Variants in GPC5 observed in about 807,000 individuals in gnomAD.
The protein encoded by GPC5 is glypican-5.
In GPC5, 47 loss-of-function variants were observed where a neutral mutation model predicts 53.9. The observed-to-expected ratio is 0.87, with a 90% CI of 0.69 to 1.11. The LOEUF (loss-of-function observed/expected upper bound fraction) is 1.11. GPC5 is among the 50% of genes most tolerant of loss of function. The probability of loss-of-function intolerance (pLI) is 0.00; values close to 1 mark genes in which losing one functional copy is unlikely to be tolerated. For missense variants in GPC5, 748 were observed against 713.1 expected, an observed-to-expected ratio of 1.05 and a Z score of -0.56; for synonymous variants, 286 against 263.3, an observed-to-expected ratio of 1.09 and a Z score of -0.84.
chr13:91,663,995 C>A (rs146708405), intron 2 of GPC5, among the ~76,000 whole-genome samples: 4 of 152,106 alleles, frequency 2.6e-5, no homozygotes, highest in Non-Finnish European at 5.9e-5. Context: ...ACATCTTTGA[C>A]CATTACTGAT....
chr13:91,706,875 A>T (rs995177066), intron 3 of GPC5, among the ~76,000 whole-genome samples: 4 of 152,212 alleles, frequency 2.6e-5, no homozygotes, highest in Admixed American at 6.5e-5. Flanking sequence ...AATATCGAGT[A>T]GTTAGGAATG....
intron 2 of GPC5, among the ~76,000 whole-genome samples, chr13:91,676,370 C>T (rs1288244875): frequency 6.6e-6 from 1 of 152,140 alleles, no homozygotes; most frequent in East Asian, 1.9e-4. Context: ...CGCACCCGGC[C>T]ACCTTTGGCT....
At chr13:91,749,645 TA>T (rs1225730688) in intron 4 of GPC5, among the ~76,000 whole-genome samples, 3 of 152,248 alleles carry the variant, frequency 2.0e-5, no homozygotes, top group African/African-American at 7.2e-5. Flanking sequence ...GTTCTATTTT[TA>T]GTTCTTTCAG....
At chr13:91,951,128 G>A (rs59377447) in intron 6 of GPC5, among the ~76,000 whole-genome samples, 2,728 of 152,142 alleles carry the variant, frequency 0.018, 76 homozygotes, top group African/African-American at 0.063. Flanking sequence ...AGCATGCCTG[G>A]CCTGTACTAA....
chr13:92,325,457 C>T (rs2043244522), intron 7 of GPC5, among the ~76,000 whole-genome samples: 1 of 151,996 alleles, frequency 6.6e-6, no homozygotes, highest in Admixed American at 6.6e-5. Flanking sequence ...TCATTATATC[C>T]TAAATGAATA....
At chr13:92,565,411 A>C (rs981330683) in intron 7 of GPC5, among the ~76,000 whole-genome samples, 6 of 152,088 alleles carry the variant, frequency 3.9e-5, no homozygotes, top group Non-Finnish European at 7.4e-5. Context: ...ATCTCCGTCC[A>C]GAGTCATGCA....
chr13:91,768,522 G>A (rs1594544397), intron 5 of GPC5, among the ~76,000 whole-genome samples: 1 of 151,836 alleles, frequency 6.6e-6, no homozygotes, highest in African/African-American at 2.4e-5. Context: ...ACTTCTTCAG[G>A]AAAATAAAGA....
At chr13:92,082,406 G>T (rs566605764) in intron 6 of GPC5, among the ~76,000 whole-genome samples, 10 of 152,170 alleles carry the variant, frequency 6.6e-5, no homozygotes, top group African/African-American at 2.4e-4. Context: ...ATTTGACCAA[G>T]GCTAAAATTT....
intron 6 of GPC5, among the ~76,000 whole-genome samples, chr13:92,030,536 A>C (rs896262343): frequency 6.6e-6 from 1 of 152,134 alleles, no homozygotes. Context: ...AGTGTTGTCT[A>C]TAAGCACTGC....
At chr13:92,506,829 A>C (rs1880386543) in intron 7 of GPC5, among the ~76,000 whole-genome samples, 1 of 152,222 alleles carries the variant, frequency 6.6e-6, no homozygotes, top group Non-Finnish European at 1.5e-5. Context: ...CTCGATTAAA[A>C]TTTCTGGAAA....
At position 91,399,062 on chromosome 13, in the gene GPC5, T is replaced by C. The variant is rs201807103; in HGVS notation, c.16T>C (p.Trp6Arg). The change falls in exon 1 of 8, where the codon TGG (tryptophan) becomes CGG (arginine). Residue 6 changes from tryptophan to arginine, a missense_variant. Coordinates refer to ENST00000377067, the MANE Select transcript of GPC5 (RefSeq NM_004466.6). MDAQT[W>R]PVGFRCLLLL... is the part of the protein sequence containing the mutation. ...GACGGCGAGGATGGACGCACAGACC[T>C]GGCCCGTGGGCTTTCGCTGCCTCCT... 89 of 1,562,476 alleles carry C rather than the reference T, an allele frequency of 5.7e-5. 1 individual carries two copies. Among genetic ancestry groups the C allele is most frequent in the Admixed American group, 3.8e-5 (2 of 52,398 alleles).
At chr13:91,849,959 C>T (rs2038894897) in intron 5 of GPC5, among the ~76,000 whole-genome samples, 1 of 152,178 alleles carries the variant, frequency 6.6e-6, no homozygotes, top group Non-Finnish European at 1.5e-5. Flanking sequence ...TGCTCACTGT[C>T]TCACAGACTA....
At chr13:92,119,663 G>A (rs1209709606) in intron 6 of GPC5, among the ~76,000 whole-genome samples, 22 of 137,412 alleles carry the variant, frequency 1.6e-4, no homozygotes, top group African/African-American at 1.1e-4. Context: ...CTCGTGATCC[G>A]CCCGCTTCGG....
At chr13:92,189,998 G>A (rs747099077) in intron 7 of GPC5, among the ~76,000 whole-genome samples, 9 of 152,184 alleles carry the variant, frequency 5.9e-5, no homozygotes, top group African/African-American at 1.2e-4. Context: ...ACAGATCCAC[G>A]AAGCTCAGAG....
intron 7 of GPC5, among the ~76,000 whole-genome samples, chr13:92,842,499 A>C (rs1232939972): frequency 6.6e-6 from 1 of 152,258 alleles, no homozygotes; most frequent in South Asian, 2.1e-4. Flanking sequence ...TAACTATCTT[A>C]TCTCTCAGGT....
At chr13:92,619,338 G>A (rs1884797411) in intron 7 of GPC5, among the ~76,000 whole-genome samples, 1 of 151,886 alleles carries the variant, frequency 6.6e-6, no homozygotes, top group Non-Finnish European at 1.5e-5. Context: ...CATATTGCAT[G>A]CACTGAAATG....
chr13:91,752,786 C>A (rs1295026817), intron 4 of GPC5, among the ~76,000 whole-genome samples: 1 of 152,168 alleles, frequency 6.6e-6, no homozygotes, highest in African/African-American at 2.4e-5. Context: ...ACATCTTTAA[C>A]AGCAAACTTC....
intron 7 of GPC5, among the ~76,000 whole-genome samples, chr13:92,604,131 C>T (rs76145208): frequency 0.017 from 2,591 of 152,166 alleles, 48 homozygotes; most frequent in Admixed American, 0.058. Flanking sequence ...GATCATAAAG[C>T]GGTATTAACC....
rs577484734 is a variant in GPC5, at chr13:91,460,318, G to A, written c.325+11396G>A. ...GTTGTCTTTTTTTTTTTTGGTGGGG[G>A]GACAGAGTCTTACTTGTTGCCCAGC... On this transcript the variant is annotated intron_variant, in intron 2 of 7. Coordinates refer to ENST00000377067, the MANE Select transcript of GPC5 (RefSeq NM_004466.6). Among the ~76,000 whole-genome samples, 12 of 150,882 alleles carry A rather than the reference G, an allele frequency of 8.0e-5. No individual in the cohort carries two copies. In the South Asian group the frequency reaches 2.5e-3, roughly 31 times the overall value.
Sources: gnomAD v4.1 joint callset for allele counts (sites outside exome capture counted in the v4.1 genomes callset) on GRCh38, gnomAD v4.1.1 for gene constraint, MANE v1.5 for transcripts, NCBI Gene and HGNC (gene_info 2026-07-23, HGNC 2026-07-21) for gene names.